The following PTPRO variants were observed in gnomAD, a reference collection of about 807,000 sequenced individuals.
The protein encoded by PTPRO is protein tyrosine phosphatase receptor type O.
Under a neutral mutation model 145.2 loss-of-function variants are expected in PTPRO, and 62 were observed. That is an observed-to-expected ratio of 0.43 (90% confidence interval 0.35 to 0.53). PTPRO has a LOEUF of 0.53. PTPRO is among the 20% of genes least tolerant of loss of function. The pLI is 0.01. For synonymous variants in PTPRO, 565 were observed against 514.7 expected (o/e 1.10, Z -1.32); for missense variants, 1,345 against 1,482.7 (o/e 0.91, Z 1.53).
Position 15,580,114 on chromosome 12 carries a change from C to T in PTPRO, c.2996C>T (p.Pro999Leu). Residue 999 changes from proline to leucine, a missense_variant and splice_region_variant, in exon 21 of 27, where the codon CCT (proline) becomes CTT (leucine). Transcript: ENST00000281171. The stretch of plus-strand genomic sequence containing the variant: ...GACTACATCAATGCCAACTATATTC[C>T]TGTAAGTAGAAAAAAAAAATCAGGC... ...GADYINANYI[P>L]GYNSPQEYIA... 1 of 1,610,226 alleles carries T rather than the reference C, an allele frequency of 6.2e-7. No homozygotes were observed.
rs889760747 is a variant in PTPRO at position 15,429,868 on chromosome 12, A to G, written c.76-54106A>G. Among the ~76,000 whole-genome samples the G allele has an allele frequency of 4.5e-4, 69 of 152,234 alleles. 1 individual carries two copies. The highest frequency in any genetic ancestry group is 1.6e-3 in the African/African-American group (66 of 41,560). On this transcript the variant is annotated intron_variant, in intron 1 of 26. Transcript: ENST00000281171. ...TATTCAAGAGATTAAAAACAATAGAACCTGATGATAATTTAGATACGAAAG... is the reference window on the plus strand; with the variant it reads ...TATTCAAGAGATTAAAAACAATAGAGCCTGATGATAATTTAGATACGAAAG...
rs540018067 is a variant in PTPRO, at chr12:15,514,157, T to A, written c.1465-1341T>A. Among the ~76,000 whole-genome samples, 63 of 152,146 alleles carry A rather than the reference T, an allele frequency of 4.1e-4. No individual in the cohort carries two copies. In the South Asian group the frequency reaches 7.7e-3, roughly 19 times the overall value. On this transcript the variant is annotated intron_variant, in intron 7 of 26. Coordinates refer to ENST00000281171, the MANE Select transcript of PTPRO (RefSeq NM_030667.3). Reference sequence around the variant, plus strand: ...ATTTGTTACGTATCCAAATTTTTTTTAAAAAAAGCAGGGCCAAGTGTGGTG... The same window carrying A: ...ATTTGTTACGTATCCAAATTTTTTTAAAAAAAAGCAGGGCCAAGTGTGGTG...
At chr12:15,596,041 A>G (rs538298504) in intron 26 of PTPRO, 49 bp from the exon 27 acceptor site, 1 of 152,212 alleles carries the variant, frequency 6.6e-6, no homozygotes, top group East Asian at 1.9e-4. Context: ...GCAATAGAAG[A>G]TTGCTGTGAC....
chr12:15,501,264 A>G (rs190842254), intron 4 of PTPRO, among the ~76,000 whole-genome samples: 135 of 113,004 alleles, frequency 1.2e-3, no homozygotes, highest in Non-Finnish European at 5.7e-4. Flanking sequence ...TGTAATAAAA[A>G]TCCAGGAACA....
rs573641845 is a variant in PTPRO at position 15,547,459 on chromosome 12, C to A, written c.2304+751C>A. ...TAATATAGTGTGTAGACTAATACTG[C>A]GAACATAAGTAATTGATCTTTTTTA... On this transcript the variant is annotated intron_variant, in intron 13 of 26. Transcript: ENST00000281171. 2.6e-5 allele frequency among the ~76,000 whole-genome samples: 4 copies of A among 152,160 alleles called. No individual in the cohort carries two copies. In the East Asian group the frequency reaches 7.7e-4, roughly 29 times the overall value.
chr12:15,555,236 G>A (rs1395208396), intron 15 of PTPRO, among the ~76,000 whole-genome samples: 5 of 152,046 alleles, frequency 3.3e-5, no homozygotes, highest in South Asian at 2.1e-4. Context: ...GTGAAACTCC[G>A]TCTCAGGAAA....
Position 15,508,651 on chromosome 12 carries a change from T to C in PTPRO, c.1348T>C (p.Leu450=). The C allele has an allele frequency of 6.2e-7, 1 of 1,614,104 alleles. No homozygotes were observed. Among genetic ancestry groups the C allele is most frequent in the Non-Finnish European group, 8.5e-7 (1 of 1,179,984 alleles). The change falls in exon 7 of 27, where the codon TTG becomes CTG. Residue 450 remains leucine, a synonymous_variant. Transcript: ENST00000281171. ...CCACGTTTTAAGCTCAACCACTGCC[T>C]TGATGTCCTGGACATCTTCCCAAGA... ...SVHVLSSTTA[L]MSWTSSQENY...
intron 1 of PTPRO, among the ~76,000 whole-genome samples, chr12:15,323,428 T>C (rs766656047): frequency 1.3e-5 from 2 of 152,200 alleles, no homozygotes; most frequent in African/African-American, 2.4e-5. Context: ...TACCCCTAGA[T>C]TTAATGGTGG....
chr12:15,517,976 G>A (rs73066631), intron 9 of PTPRO, among the ~76,000 whole-genome samples: 64,715 of 151,926 alleles, frequency 0.43, 14,269 homozygotes, highest in African/African-American at 0.52. Context: ...CCACTAGGCA[G>A]TACCCCAGTA....
chr12:15,435,736 C>G (rs1940577710), intron 1 of PTPRO, among the ~76,000 whole-genome samples: 1 of 151,960 alleles, frequency 6.6e-6, no homozygotes, highest in Non-Finnish European at 1.5e-5. Context: ...ATGAAATAAC[C>G]AGGACTTAGT....
At chr12:15,484,357 A>G in intron 2 of PTPRO, 110 bp downstream of exon 2, 1 of 1,198,608 alleles carries the variant, frequency 8.3e-7, no homozygotes, top group Non-Finnish European at 1.2e-6. Context: ...ACTTGCCTTA[A>G]TGCCAAGTGA....
At chr12:15,567,070 G>A (rs1197018139) in intron 18 of PTPRO, among the ~76,000 whole-genome samples, 1 of 152,096 alleles carries the variant, frequency 6.6e-6, no homozygotes, top group Non-Finnish European at 1.5e-5. Flanking sequence ...CTCCTCCCAT[G>A]ACTCAGGCAA....
intron 12 of PTPRO, among the ~76,000 whole-genome samples, chr12:15,530,769 A>G (rs1354065544): frequency 1.3e-5 from 2 of 152,154 alleles, no homozygotes; most frequent in East Asian, 3.8e-4. Context: ...CCCTTAATAT[A>G]AAAAAGTAGA....
chr12:15,575,598 C>T (rs1944165788), intron 19 of PTPRO, among the ~76,000 whole-genome samples: 1 of 152,208 alleles, frequency 6.6e-6, no homozygotes, highest in African/African-American at 2.4e-5. Flanking sequence ...TTTCCAAGAC[C>T]TGTATGCTTC....
At chr12:15,388,840 A>G (rs886784198) in intron 1 of PTPRO, among the ~76,000 whole-genome samples, 1 of 152,126 alleles carries the variant, frequency 6.6e-6, no homozygotes, top group African/African-American at 2.4e-5. Flanking sequence ...TAGCTGGAAG[A>G]GTTTCATGTT....
chr12:15,483,855 C>T (rs1195915518), intron 1 of PTPRO, 119 bp from the exon 2 acceptor site: 15 of 1,073,938 alleles, frequency 1.4e-5, no homozygotes, highest in Non-Finnish European at 1.9e-5. Flanking sequence ...ATAAGGCTTA[C>T]CATAAACATA....
intron 1 of PTPRO, among the ~76,000 whole-genome samples, chr12:15,426,667 T>C (rs1940294529): frequency 6.6e-6 from 1 of 152,066 alleles, no homozygotes; most frequent in Admixed American, 6.6e-5. Flanking sequence ...CTGAGAGTTA[T>C]TCCATTGTGC....
At chr12:15,566,036 A>G (rs910461433) in intron 18 of PTPRO, among the ~76,000 whole-genome samples, 8 of 152,238 alleles carry the variant, frequency 5.3e-5, no homozygotes, top group Non-Finnish European at 1.0e-4. Context: ...ATTTGATGTT[A>G]TAATAGATAC....
chr12:15,557,579 CA>C, intron 16 of PTPRO, 56 bp downstream of exon 16: 3 of 1,519,190 alleles, frequency 2.0e-6, no homozygotes, highest in Admixed American at 1.7e-5. Flanking sequence ...GTGTGTGCTC[CA>C]AAGTCGATTT....
Sources: gnomAD v4.1 joint callset for allele counts (sites outside exome capture counted in the v4.1 genomes callset) on GRCh38, gnomAD v4.1.1 for gene constraint, MANE v1.5 for transcripts, NCBI Gene and HGNC (gene_info 2026-07-23, HGNC 2026-07-21) for gene names.